CACNA2D1: variants seen among roughly 807,000 people sequenced by gnomAD.
The protein encoded by CACNA2D1 is calcium voltage-gated channel auxiliary subunit alpha2delta 1.
In CACNA2D1, 53 loss-of-function variants were observed where a neutral mutation model predicts 171.5. That is an observed-to-expected ratio of 0.31 (90% CI 0.25 to 0.39). The LOEUF (loss-of-function observed/expected upper bound fraction) is 0.39. CACNA2D1 is among the 10% of genes least tolerant of loss of function. CACNA2D1 has a pLI of 1.00. For synonymous variants in CACNA2D1, 442 were observed against 443.1 expected, an observed-to-expected ratio of 1.00 and a Z score of 0.03; for missense variants, 903 against 1,299.8, an observed-to-expected ratio of 0.69 and a Z score of 4.69.
At chr7:81,998,216 A>T (rs2130805961) in intron 18 of CACNA2D1, among the ~76,000 whole-genome samples, 1 of 152,172 alleles carries the variant, frequency 6.6e-6, no homozygotes, top group South Asian at 2.1e-4. Flanking sequence ...CATAATAGGT[A>T]TATGTAATTT....
intron 21 of CACNA2D1, among the ~76,000 whole-genome samples, chr7:81,989,178 C>T (rs1191058215): frequency 1.3e-5 from 2 of 152,116 alleles, no homozygotes; most frequent in Admixed American, 6.6e-5. Context: ...AAAAGGACAG[C>T]GTGGCTTAAC....
intron 3 of CACNA2D1, among the ~76,000 whole-genome samples, chr7:82,189,578 A>T (rs1798094217): frequency 6.6e-6 from 1 of 151,908 alleles, no homozygotes; most frequent in Non-Finnish European, 1.5e-5. Flanking sequence ...AAAATGAAAA[A>T]TTTTGGCAAA....
intron 7 of CACNA2D1, among the ~76,000 whole-genome samples, chr7:82,079,459 A>G (rs928920050): frequency 1.3e-4 from 20 of 152,102 alleles, no homozygotes; most frequent in Admixed American, 1.3e-4. Flanking sequence ...TGGGAGGCTG[A>G]GGCAGGTGGA....
chr7:81,959,196 T>G (rs1793799168), intron 38 of CACNA2D1, 79 bp downstream of exon 38: 1 of 1,002,786 alleles, frequency 1.0e-6, no homozygotes, highest in East Asian at 2.4e-5. Context: ...GAGTTAAAAT[T>G]GCAATTTGTA....
chr7:82,077,759 TAA>T (rs10596724), intron 7 of CACNA2D1, among the ~76,000 whole-genome samples: 45,952 of 145,078 alleles, frequency 0.32, 8,730 homozygotes, highest in Non-Finnish European at 0.43. Flanking sequence ...AATGTTAAAG[TAA>T]AAAAAAAAAA....
At chr7:82,216,373 G>A (rs1196986348) in intron 3 of CACNA2D1, among the ~76,000 whole-genome samples, 2 of 152,062 alleles carry the variant, frequency 1.3e-5, no homozygotes, top group Non-Finnish European at 2.9e-5. Flanking sequence ...TTAAAATTCT[G>A]TTCTGGAAAT....
At chr7:82,402,168 C>T (rs1172434568) in intron 1 of CACNA2D1, among the ~76,000 whole-genome samples, 1 of 152,070 alleles carries the variant, frequency 6.6e-6, no homozygotes, top group Admixed American at 6.6e-5. Flanking sequence ...ATGACATTCA[C>T]AAGGAGGCTG....
intron 11 of CACNA2D1, 170 bp from the exon 12 acceptor site, chr7:82,033,071 C>G (rs1802909147): frequency 1.9e-6 from 1 of 535,824 alleles, no homozygotes; most frequent in Non-Finnish European, 3.4e-6. Flanking sequence ...ACCCCCTTCA[C>G]CAGGCCTTCC....
chr7:82,299,403 G>C (rs1470230271), intron 3 of CACNA2D1, among the ~76,000 whole-genome samples: 1 of 151,838 alleles, frequency 6.6e-6, no homozygotes, highest in Admixed American at 6.6e-5. Flanking sequence ...GCTCACGTCT[G>C]TAATCCCAGC....
chr7:82,203,608 G>A (rs988178282), intron 3 of CACNA2D1, among the ~76,000 whole-genome samples: 1 of 152,178 alleles, frequency 6.6e-6, no homozygotes, highest in African/African-American at 2.4e-5. Flanking sequence ...CAAGCCCTAC[G>A]GGTAGTTGAT....
In CACNA2D1 at chr7:82,328,957, C is replaced by T. The variant is rs193030371; in HGVS notation, c.294+6178G>A. 1.8e-3 allele frequency among the ~76,000 whole-genome samples: 271 copies of T among 152,162 alleles called. 1 individual carries two copies. The highest frequency in any genetic ancestry group is 2.9e-3 in the Non-Finnish European group (196 of 67,980). ...TGAGTCTCTAAAGAATTTCAGAATT[C>T]CTTCCTGGATCCCCTTCTCACTTCT... is the stretch of plus-strand genomic sequence containing the variant. On this transcript the variant is annotated intron_variant, in intron 3 of 38. Transcript: ENST00000356860.
intron 10 of CACNA2D1, among the ~76,000 whole-genome samples, chr7:82,059,623 T>C (rs138502043): frequency 2.6e-5 from 4 of 152,176 alleles, no homozygotes; most frequent in Non-Finnish European, 5.9e-5. Flanking sequence ...TTTTTATTTA[T>C]AGTCATTACT....
intron 9 of CACNA2D1, among the ~76,000 whole-genome samples, chr7:82,060,929 A>T (rs1205523017): frequency 2.0e-5 from 3 of 152,132 alleles, no homozygotes; most frequent in Non-Finnish European, 4.4e-5. Context: ...AATAATTATA[A>T]ATCCACATAA....
At chr7:82,356,779 C>T (rs752485034) in intron 1 of CACNA2D1, among the ~76,000 whole-genome samples, 1 of 151,826 alleles carries the variant, frequency 6.6e-6, no homozygotes, top group Non-Finnish European at 1.5e-5. Context: ...CACTTTTCAA[C>T]AAGTAGCAGA....
intron 6 of CACNA2D1, among the ~76,000 whole-genome samples, chr7:82,088,019 T>C (rs1234332073): frequency 6.6e-6 from 1 of 152,164 alleles, no homozygotes; most frequent in Non-Finnish European, 1.5e-5. Flanking sequence ...GGATGCCCCT[T>C]AGCCCCTATC....
chr7:82,052,568 C>A (rs1159615628), intron 10 of CACNA2D1, among the ~76,000 whole-genome samples: 1 of 151,894 alleles, frequency 6.6e-6, no homozygotes, highest in African/African-American at 2.4e-5. Flanking sequence ...AGTATATACT[C>A]AAAATAAAGC....
At chr7:82,139,077 T>C (rs909287941) in intron 4 of CACNA2D1, among the ~76,000 whole-genome samples, 19 of 152,160 alleles carry the variant, frequency 1.2e-4, no homozygotes, top group African/African-American at 4.6e-4. Flanking sequence ...CTAATATCTA[T>C]ATGCACACAC....
chr7:82,120,983 C>T (rs1056474110), intron 5 of CACNA2D1, among the ~76,000 whole-genome samples: 2 of 151,876 alleles, frequency 1.3e-5, no homozygotes, highest in African/African-American at 2.4e-5. Flanking sequence ...ATTTAAGCAT[C>T]CTGTGCTGCT....
At chr7:82,368,534 T>G (rs1190247070) in intron 1 of CACNA2D1, among the ~76,000 whole-genome samples, 1 of 152,248 alleles carries the variant, frequency 6.6e-6, no homozygotes, top group Non-Finnish European at 1.5e-5. Flanking sequence ...TACTTTACTT[T>G]AAATTTTTGA....
Sources: allele counts gnomAD v4.1 joint callset (sites outside exome capture counted in the v4.1 genomes callset), GRCh38; gene constraint gnomAD v4.1.1; transcripts MANE v1.5; gene names NCBI Gene and HGNC (gene_info 2026-07-23, HGNC 2026-07-21).